The following ASTN2 variants were observed in gnomAD, a reference collection of about 807,000 sequenced individuals.
ASTN2 encodes astrotactin 2.
Under a neutral mutation model 139.8 loss-of-function variants are expected in ASTN2, and 54 were observed. The ratio of observed to expected loss-of-function variants is 0.39; its 90% CI spans 0.31 to 0.48. ASTN2 has a LOEUF of 0.48. Ranked by LOEUF, ASTN2 falls within the 20% of genes least tolerant of loss-of-function variation. The pLI, the probability that ASTN2 is intolerant of heterozygous loss-of-function variation, is 0.95. For missense variants in ASTN2, 1,565 were observed against 1,725.1 expected, an observed-to-expected ratio of 0.91 and a Z score of 1.64; for synonymous variants, 756 against 719.5, an observed-to-expected ratio of 1.05 and a Z score of -0.81.
intron 12 of ASTN2, among the ~76,000 whole-genome samples, chr9:116,820,179 C>T (rs988446755): frequency 1.3e-5 from 2 of 152,118 alleles, no homozygotes; most frequent in African/African-American, 2.4e-5. Context: ...CCTCACATTG[C>T]TACATTCCTG....
At position 116,590,047 on chromosome 9, in the gene ASTN2, C is replaced by T. The variant is rs146904018; in HGVS notation, c.3355+28277G>A. On this transcript the variant is annotated intron_variant, in intron 19 of 22. Coordinates refer to ENST00000313400, the MANE Select transcript of ASTN2 (RefSeq NM_001365068.1). ...AATGGCAGTGGCAGCCCATATGAAG[C>T]GGCCACTGCAAAGACACCGGCTGCA... 3.3e-3 allele frequency among the ~76,000 whole-genome samples: 504 copies of T among 152,306 alleles called. 5 individuals carry two copies. Among genetic ancestry groups the T allele is most frequent in the African/African-American group, 0.011 (468 of 41,566 alleles).
rs149474903 is a variant in ASTN2 at position 117,109,300 on chromosome 9, T to C, written c.1169-13149A>G. Among the ~76,000 whole-genome samples, 1,425 of 149,890 alleles carry C rather than the reference T, an allele frequency of 9.5e-3. 20 individuals are homozygous for C. Among genetic ancestry groups the C allele is most frequent in the Non-Finnish European group, 0.013 (843 of 67,358 alleles). On this transcript the variant is annotated intron_variant, in intron 4 of 22. Coordinates refer to ENST00000313400, the MANE Select transcript of ASTN2 (RefSeq NM_001365068.1). ...CTGTCTCAAAAAATTAATTAATAAA[T>C]AAATAAACAAACACAGAGGGAGACC...
chr9:116,687,005 GTGAAGGGGT>G, intron 16 of ASTN2: 1 of 1,411,704 alleles, frequency 7.1e-7, no homozygotes, highest in Admixed American at 2.8e-5. Context: ...CTACCGTTTT[GTGAAGGGGT>G]AGACATTGAG....
At chr9:116,851,681 A>C (rs920550748) in intron 11 of ASTN2, among the ~76,000 whole-genome samples, 31 of 150,324 alleles carry the variant, frequency 2.1e-4, no homozygotes, top group African/African-American at 6.3e-4. Context: ...TTAAAAAAAA[A>C]CACGTTTTAG....
chr9:117,133,620 T>C (rs1256376784), intron 4 of ASTN2, among the ~76,000 whole-genome samples: 1 of 152,130 alleles, frequency 6.6e-6, no homozygotes, highest in African/African-American at 2.4e-5. Flanking sequence ...AGTTGTGCAC[T>C]TGAGAGTAAT....
At chr9:117,294,828 T>C (rs1834688630) in intron 1 of ASTN2, among the ~76,000 whole-genome samples, 1 of 152,182 alleles carries the variant, frequency 6.6e-6, no homozygotes, top group Non-Finnish European at 1.5e-5. Flanking sequence ...TCTCAGGCCA[T>C]GAGTACTTTC....
chr9:117,014,833 T>C (rs921992215), intron 6 of ASTN2, among the ~76,000 whole-genome samples: 2 of 152,082 alleles, frequency 1.3e-5, no homozygotes, highest in Admixed American at 1.3e-4. Flanking sequence ...AGGACAGCCA[T>C]CTACAAGCCA....
At position 116,805,496 on chromosome 9, in the gene ASTN2, A is replaced by G. The variant is rs1446250282; in HGVS notation, c.2396+136T>C. 7.7e-6 allele frequency: 6 copies of G among 776,186 alleles called. No individual in the cohort carries two copies. The South Asian group carries it at 1.1e-4, about 14-fold the overall frequency. The allele number at this position is 776,186 out of a possible 1,614,324, so 48.1% of individuals were successfully genotyped here. A position where few individuals can be genotyped will look rare whatever the true frequency, so the allele number is the denominator to read the frequency against. Reference sequence around the variant, plus strand: ...GTTTGATGACTTTCCACACTCCTTAAGAGGGTACCTGTGAGCTTAAAGTGA... The same window carrying G: ...GTTTGATGACTTTCCACACTCCTTAGGAGGGTACCTGTGAGCTTAAAGTGA... On this transcript the variant is annotated intron_variant, in intron 13 of 22. Coordinates refer to ENST00000313400, the MANE Select transcript of ASTN2 (RefSeq NM_001365068.1).
chr9:117,413,461 C>T (rs574820405), intron 1 of ASTN2, among the ~76,000 whole-genome samples: 58 of 152,334 alleles, frequency 3.8e-4, no homozygotes, highest in African/African-American at 1.3e-3. Flanking sequence ...AGGCCCCGCG[C>T]CCCCAAGAGG....
At chr9:116,960,815 G>A (rs1835855914) in intron 10 of ASTN2, among the ~76,000 whole-genome samples, 1 of 152,128 alleles carries the variant, frequency 6.6e-6, no homozygotes, top group Admixed American at 6.6e-5. Context: ...CCAAAGACCA[G>A]GCTGATCATT....
intron 22 of ASTN2, among the ~76,000 whole-genome samples, chr9:116,427,674 G>A (rs1385372385): frequency 1.3e-5 from 2 of 152,232 alleles, no homozygotes; most frequent in African/African-American, 2.4e-5. Flanking sequence ...AAAGGACCGA[G>A]CTTATGTGTA....
intron 10 of ASTN2, among the ~76,000 whole-genome samples, chr9:116,869,050 TG>T (rs1427654428): frequency 2.0e-5 from 3 of 152,062 alleles, no homozygotes; most frequent in Non-Finnish European, 4.4e-5. Flanking sequence ...CAGGGTGTGG[TG>T]GTGGGTGCCT....
At chr9:116,651,333 TTGTTTA>T (rs1480191631) in intron 17 of ASTN2, among the ~76,000 whole-genome samples, 189 bp downstream of exon 17, 1 of 152,222 alleles carries the variant, frequency 6.6e-6, no homozygotes, top group Non-Finnish European at 1.5e-5. Context: ...TAAGGGTTTA[TTGTTTA>T]TAACAGCTAG....
chr9:117,170,038 A>G (rs746239977), intron 3 of ASTN2, among the ~76,000 whole-genome samples: 10 of 152,254 alleles, frequency 6.6e-5, no homozygotes, highest in African/African-American at 9.6e-5. Context: ...TCATCTCTTC[A>G]TGACACAGGT....
chr9:116,547,914 C>A (rs946654921), intron 19 of ASTN2, among the ~76,000 whole-genome samples: 1 of 152,090 alleles, frequency 6.6e-6, no homozygotes, highest in Non-Finnish European at 1.5e-5. Flanking sequence ...CATTCTCAGG[C>A]AGGCTGTCTG....
At chr9:117,339,860 G>A (rs930810875) in intron 1 of ASTN2, among the ~76,000 whole-genome samples, 3 of 150,870 alleles carry the variant, frequency 2.0e-5, no homozygotes, top group Admixed American at 6.6e-5. Flanking sequence ...AAATATTTAT[G>A]GATTTTAATG....
At chr9:117,209,670 A>G (rs1832055320) in intron 3 of ASTN2, among the ~76,000 whole-genome samples, 1 of 152,152 alleles carries the variant, frequency 6.6e-6, no homozygotes, top group African/African-American at 2.4e-5. Context: ...CAACAAAGAA[A>G]GATCATATTT....
At chr9:116,990,277 T>C (rs970085211) in intron 7 of ASTN2, among the ~76,000 whole-genome samples, 1 of 152,156 alleles carries the variant, frequency 6.6e-6, no homozygotes, top group Non-Finnish European at 1.5e-5. Context: ...TGTTTGTTTG[T>C]TTGCTTTTAA....
chr9:116,487,134 A>T (rs1263994288), intron 20 of ASTN2, among the ~76,000 whole-genome samples: 1 of 152,088 alleles, frequency 6.6e-6, no homozygotes, highest in African/African-American at 2.4e-5. Context: ...ATGGTTTTAA[A>T]TTTCTGGCCT....
Sources: gnomAD v4.1 joint callset for allele counts (sites outside exome capture counted in the v4.1 genomes callset) on GRCh38, gnomAD v4.1.1 for gene constraint, MANE v1.5 for transcripts, NCBI Gene and HGNC (gene_info 2026-07-23, HGNC 2026-07-21) for gene names.